The following OXR1 variants were observed in gnomAD, a reference collection of about 807,000 sequenced individuals.
OXR1 encodes oxidation resistance 1.
OXR1 carries 41 observed loss-of-function variants against 104.6 expected under a neutral mutation model. The observed-to-expected ratio is 0.39, with a 90% CI of 0.31 to 0.51. The LOEUF (loss-of-function observed/expected upper bound fraction) is 0.51, where lower values mean the gene tolerates loss of function less well. OXR1 is among the 20% of genes least tolerant of loss of function. OXR1 has a pLI of 0.77. For missense variants in OXR1, 955 were observed against 1,031.9 expected, an observed-to-expected ratio of 0.93 and a Z score of 1.02; for synonymous variants, 348 against 348.4, an observed-to-expected ratio of 1.00 and a Z score of 0.01.
chr8:106,412,754 T>A (rs1412255436), intron 2 of OXR1, among the ~76,000 whole-genome samples: 1 of 152,166 alleles, frequency 6.6e-6, no homozygotes, highest in African/African-American at 2.4e-5. Flanking sequence ...AACTTTTCTC[T>A]TCTGGTAGTT....
intron 3 of OXR1, among the ~76,000 whole-genome samples, chr8:106,531,565 A>G (rs1199914092): frequency 6.6e-6 from 1 of 152,180 alleles, no homozygotes; most frequent in Non-Finnish European, 1.5e-5. Flanking sequence ...CATATTGTAG[A>G]TAAAATATCA....
At chr8:106,669,334 A>G (rs1319122931) in intron 3 of OXR1, among the ~76,000 whole-genome samples, 1 of 152,204 alleles carries the variant, frequency 6.6e-6, no homozygotes, top group Non-Finnish European at 1.5e-5. Flanking sequence ...AAAGACAGTA[A>G]AAGTAGATTT....
chr8:106,750,301 ATTTTT>A (rs1465124314), intron 16 of OXR1, among the ~76,000 whole-genome samples: 2 of 147,410 alleles, frequency 1.4e-5, no homozygotes, highest in African/African-American at 2.5e-5. Flanking sequence ...ATCATAAATA[ATTTTT>A]TTCTTTTCTT....
At chr8:106,641,429 C>CA (rs991622672) in intron 3 of OXR1, among the ~76,000 whole-genome samples, 56 of 152,244 alleles carry the variant, frequency 3.7e-4, no homozygotes, top group African/African-American at 1.3e-3. Context: ...TATCTCCACG[C>CA]ACAGCATACT....
rs71307084 is a variant in OXR1, at chr8:106,704,393, C to CTTT, written c.860+1332_860+1334dup. Reference sequence around the variant, plus strand: ...TTTTTCTTTTTCTTTCTTTCTTCTTCTTTTTTTTTTTTTTTTTTTTTTTTT... The same window carrying CTTT: ...TTTTTCTTTTTCTTTCTTTCTTCTTCTTTTTTTTTTTTTTTTTTTTTTTTTTTT... On this transcript the variant is annotated intron_variant, in intron 8 of 16. Transcript: ENST00000517566. Among the ~76,000 whole-genome samples the CTTT allele has an allele frequency of 4.6e-3, 222 of 47,878 alleles. 4 individuals are homozygous for CTTT. The highest frequency in any genetic ancestry group is 6.0e-3 in the African/African-American group (60 of 9,932). 31.4% of individuals were successfully genotyped at this position (47,878 alleles called of 152,430 possible).
At chr8:106,681,390 A>G (rs984884374) in intron 4 of OXR1, among the ~76,000 whole-genome samples, 1 of 152,194 alleles carries the variant, frequency 6.6e-6, no homozygotes, top group Non-Finnish European at 1.5e-5. Flanking sequence ...TTTGGCATAA[A>G]TTTGGTTTTA....
chr8:106,287,694 G>A (rs1812557885), intron 1 of OXR1, among the ~76,000 whole-genome samples: 1 of 151,954 alleles, frequency 6.6e-6, no homozygotes, highest in Non-Finnish European at 1.5e-5. Context: ...AGTAGCATGA[G>A]CATAATGAAA....
intron 2 of OXR1, among the ~76,000 whole-genome samples, chr8:106,479,445 C>T (rs1248081284): frequency 6.6e-6 from 1 of 151,934 alleles, no homozygotes; most frequent in Non-Finnish European, 1.5e-5. Flanking sequence ...TGGATTTTCT[C>T]TACTGCTAAT....
At chr8:106,485,527 G>C (rs538414270) in intron 2 of OXR1, among the ~76,000 whole-genome samples, 1 of 151,408 alleles carries the variant, frequency 6.6e-6, no homozygotes, top group South Asian at 2.1e-4. Context: ...AAAGAAAACT[G>C]TTCACCTATT....
intron 2 of OXR1, among the ~76,000 whole-genome samples, chr8:106,366,314 C>T (rs1225471907): frequency 1.3e-5 from 2 of 152,174 alleles, no homozygotes; most frequent in Non-Finnish European, 2.9e-5. Flanking sequence ...ACCAATATTT[C>T]CTTAGACTGT....
chr8:106,678,999 T>G (rs1310705612), intron 3 of OXR1, among the ~76,000 whole-genome samples: 2 of 152,002 alleles, frequency 1.3e-5, no homozygotes, highest in East Asian at 3.9e-4. Flanking sequence ...ATTATTCTAT[T>G]GGTTCATACT....
intron 16 of OXR1, among the ~76,000 whole-genome samples, chr8:106,748,570 TTTTTTTTTTTTTTTTG>T (rs1835598143): frequency 7.8e-6 from 1 of 128,104 alleles, no homozygotes; most frequent in African/African-American, 3.0e-5. Flanking sequence ...TTTTTTTTTT[TTTTTTTTTTTTTTTTG>T]AGATGGAGTT....
chr8:106,729,443 C>T (rs537217559), intron 11 of OXR1, among the ~76,000 whole-genome samples: 1 of 152,012 alleles, frequency 6.6e-6, no homozygotes, highest in East Asian at 1.9e-4. Context: ...TAAAGTATTT[C>T]CATTTGAAGA....
chr8:106,598,792 C>T (rs117540277), intron 3 of OXR1, among the ~76,000 whole-genome samples: 103 of 152,180 alleles, frequency 6.8e-4, no homozygotes, highest in Non-Finnish European at 1.2e-3. Flanking sequence ...TAAACTTCAC[C>T]ATTGAACAAT....
chr8:106,520,613 G>A (rs544014307), intron 3 of OXR1: 5 of 152,282 alleles, frequency 3.3e-5, no homozygotes, highest in African/African-American at 1.2e-4. Context: ...GTCAGGTAAT[G>A]AGAATTAATA....
intron 3 of OXR1, among the ~76,000 whole-genome samples, chr8:106,573,915 CA>C (rs56657986): frequency 0.43 from 63,005 of 147,574 alleles, 13,331 homozygotes; most frequent in Admixed American, 0.47. Context: ...ATTTTTAATT[CA>C]AAAAAAAAAA....
chr8:106,378,171 T>G (rs1011515666), intron 2 of OXR1, among the ~76,000 whole-genome samples: 5 of 152,134 alleles, frequency 3.3e-5, no homozygotes, highest in Non-Finnish European at 7.4e-5. Context: ...ATATACCCAC[T>G]CAAATATCTC....
At chr8:106,714,134 G>A (rs757477946) in intron 11 of OXR1, 149 bp downstream of exon 11, 504 of 577,642 alleles carry the variant, frequency 8.7e-4, no homozygotes, top group Non-Finnish European at 1.1e-3. Context: ...TGTGGTTATT[G>A]AATGAATCTG....
At chr8:106,415,570 T>TGAGAGA (rs775296577) in intron 2 of OXR1, among the ~76,000 whole-genome samples, 1 of 101,362 alleles carries the variant, frequency 9.9e-6, no homozygotes, top group Non-Finnish European at 1.8e-5. Context: ...AGAGTGAGAC[T>TGAGAGA]GAGAGAGAGA....
Sources: gnomAD v4.1 joint callset for allele counts (sites outside exome capture counted in the v4.1 genomes callset) on GRCh38, gnomAD v4.1.1 for gene constraint, MANE v1.5 for transcripts, NCBI Gene and HGNC (gene_info 2026-07-23, HGNC 2026-07-21) for gene names.